USP36: variants seen among roughly 807,000 people sequenced by gnomAD.
USP36 encodes the protein ubiquitin specific peptidase 36, also known as ubiquitin carboxyl-terminal hydrolase 36.
In USP36, 59 loss-of-function variants were observed where a neutral mutation model predicts 111.5. The observed-to-expected ratio is 0.53, with a 90% CI of 0.43 to 0.66. The LOEUF is 0.66. USP36 is among the 30% of genes least tolerant of loss of function. USP36 has a pLI of 0.00. For missense variants in USP36, 1,488 were observed against 1,468.0 expected, an observed-to-expected ratio of 1.01 and a Z score of -0.22; for synonymous variants, 628 against 581.0, an observed-to-expected ratio of 1.08 and a Z score of -1.16.
downstream of USP36, among the ~76,000 whole-genome samples, chr17:78,793,713 T>A (rs1267874794): frequency 6.6e-6 from 1 of 152,170 alleles, no homozygotes; most frequent in East Asian, 1.9e-4. Flanking sequence ...GCAGGGATTC[T>A]CACAGCACCG....
chr17:78,822,006 T>C lies in USP36; in HGVS notation c.690-2A>G, dbSNP rs770444949. ...GTAGCCTGCGTTTGACGATCCAACC[T>C]GAAAAGGAGACCCCAGCCTTTAAGG... On this transcript the variant is annotated splice_acceptor_variant, in intron 6 of 20. Transcript: ENST00000449938. LOFTEE classifies it high-confidence loss of function. 6 of 1,614,036 alleles carry C rather than the reference T, an allele frequency of 3.7e-6. No individual in the cohort carries two copies. The highest frequency in any genetic ancestry group is 1.7e-6 in the Non-Finnish European group (2 of 1,179,964).
intron 2 of USP36, among the ~76,000 whole-genome samples, chr17:78,837,946 G>A (rs746556297): frequency 6.6e-6 from 1 of 152,222 alleles, no homozygotes; most frequent in African/African-American, 2.4e-5. Flanking sequence ...AAAGCCAGGT[G>A]CAGTGGCCTG....
Position 78,798,284 on chromosome 17 carries a change from C to T in USP36, c.*20+116G>A, listed in dbSNP as rs139742855. ...ACACACACCACCCAACACACATGTG[C>T]CAGATACACAGCCCACATACATCAT... On this transcript the variant is annotated intron_variant, in intron 20 of 20. Coordinates refer to ENST00000449938, the MANE Select transcript of USP36 (RefSeq NM_001385174.1). This position sits in a 1 kb window ranked among gnomAD's most constrained non-coding sequence, Gnocchi z 5.1. The T allele has an allele frequency of 9.3e-4, 1,263 of 1,364,938 alleles. 7 individuals carry two copies. The African/African-American group carries it at 0.015, about 17-fold the overall frequency. The allele number at this position is 1,364,938 out of a possible 1,614,324, so 84.6% of individuals were successfully genotyped here.
At chr17:78,824,248 G>A (rs2067328065) in intron 6 of USP36, among the ~76,000 whole-genome samples, 2 of 152,182 alleles carry the variant, frequency 1.3e-5, no homozygotes, top group South Asian at 4.1e-4. Context: ...CCACCTTACA[G>A]GTGCCAACAA....
intron 4 of USP36, among the ~76,000 whole-genome samples, chr17:78,830,387 C>G (rs111544658): frequency 0.039 from 5,924 of 152,292 alleles, 170 homozygotes; most frequent in Middle Eastern, 0.078. Flanking sequence ...GAAGAGACCA[C>G]TGTTATTTAT....
At chr17:78,802,576 TG>T in intron 16 of USP36, 41 bp from the exon 17 acceptor site, 1 of 1,565,682 alleles carries the variant, frequency 6.4e-7, no homozygotes, top group Non-Finnish European at 8.6e-7. Context: ...CTGAGCAAAT[TG>T]GAAGGGGAGC....
At chr17:78,810,922 T>G (rs1335032193) in intron 13 of USP36, among the ~76,000 whole-genome samples, 1 of 152,040 alleles carries the variant, frequency 6.6e-6, no homozygotes, top group African/African-American at 2.4e-5. Context: ...CAGACCAGCC[T>G]GGCCAACATG....
chr17:78,787,843 G>A (rs2093548358), intron 3 of USP36, among the ~76,000 whole-genome samples: 1 of 152,230 alleles, frequency 6.6e-6, no homozygotes, highest in South Asian at 2.1e-4. Flanking sequence ...GATCATTAGG[G>A]TGGGACCTAA....
At chr17:78,813,652 T>G in intron 12 of USP36, 121 bp downstream of exon 12, 2 of 857,690 alleles carry the variant, frequency 2.3e-6, no homozygotes, top group Non-Finnish European at 3.7e-6. Flanking sequence ...CTATGACACA[T>G]GACAAATCCC....
chr17:78,815,445 T>C (rs2094156122), intron 10 of USP36, among the ~76,000 whole-genome samples: 1 of 152,230 alleles, frequency 6.6e-6, no homozygotes. Context: ...GGATCTGTTC[T>C]TGTCTTTGTC....
Position 78,798,654 on chromosome 17 carries a change from T to TC in USP36, c.3241-104_3241-103insG. 6.5e-7 allele frequency: 1 copy of TC among 1,548,882 alleles called. No individual in the cohort carries two copies. The highest frequency in any genetic ancestry group is 8.7e-7 in the Non-Finnish European group (1 of 1,144,474). On this transcript the variant is annotated intron_variant, in intron 19 of 20. Transcript: ENST00000449938. The surrounding 1 kb of genome is among the most constrained non-coding windows in gnomAD (Gnocchi z 5.1). ...GTCCTGCACACAGGCCGGGCTCTCA[T>TC]GAGCTCTCTGGAGACCCACTCTTCA...
At chr17:78,810,518 G>A (rs769492360) in intron 13 of USP36, among the ~76,000 whole-genome samples, 32 of 152,112 alleles carry the variant, frequency 2.1e-4, no homozygotes, top group Non-Finnish European at 4.3e-4. Flanking sequence ...GGGATCCACT[G>A]ATCTTCCCAC....
Position 78,799,486 on chromosome 17 carries a change from C to T in USP36, c.3124+181G>A, listed in dbSNP as rs2093687489. 2.0e-5 allele frequency among the ~76,000 whole-genome samples: 3 copies of T among 152,164 alleles called. No homozygotes were observed. The South Asian group carries it at 6.2e-4, about 32-fold the overall frequency. Reference sequence around the variant, plus strand: ...TCCTGCCACGGACAGAAGCCACCTTCGTGCCACGGCTGAGGGTTTAAAGAG... The same window carrying T: ...TCCTGCCACGGACAGAAGCCACCTTTGTGCCACGGCTGAGGGTTTAAAGAG... On this transcript the variant is annotated intron_variant, in intron 18 of 20. Transcript: ENST00000449938.
In USP36 at chr17:78,799,729, C is replaced by T. The variant is rs758014075; in HGVS notation, c.3062G>A (p.Arg1021Gln). The T allele has an allele frequency of 3.8e-5, 61 of 1,612,480 alleles. No individual in the cohort carries two copies. Among genetic ancestry groups the T allele is most frequent in the Non-Finnish European group, 4.5e-5 (53 of 1,179,552 alleles). ...CAGTTCCTGGACCACATCAGACTCCCGCTCTCCATTCCAAGACACAGGAGG... is the reference window on the plus strand; with the variant it reads ...CAGTTCCTGGACCACATCAGACTCCTGCTCTCCATTCCAAGACACAGGAGG... The part of the protein sequence containing the change: ...QAPPVSWNGE[R>Q]ESDVVQELLK... Residue 1021 changes from arginine to glutamine, a missense_variant, in exon 18 of 21, where the codon CGG becomes CAG. Coordinates refer to ENST00000449938, the MANE Select transcript of USP36 (RefSeq NM_001385174.1).
At chr17:78,835,732 A>G (rs1292002275) in intron 3 of USP36, among the ~76,000 whole-genome samples, 1 of 152,166 alleles carries the variant, frequency 6.6e-6, no homozygotes, top group Non-Finnish European at 1.5e-5. Flanking sequence ...GGGCCCCTCT[A>G]TAGATGGAGG....
At chr17:78,814,122 T>C (rs933122508) in intron 11 of USP36, among the ~76,000 whole-genome samples, 9 of 152,180 alleles carry the variant, frequency 5.9e-5, no homozygotes. Flanking sequence ...CTAAAGGACA[T>C]TCAGGCAGTG....
intron 3 of USP36, chr17:78,835,894 G>A (rs2068620132): frequency 2.9e-6 from 2 of 686,970 alleles, no homozygotes; most frequent in Non-Finnish European, 2.4e-6. Flanking sequence ...CAAGTCCAAG[G>A]ACCCACCAAG....
chr17:78,821,404 ATATATATATATATATATTTTTT>A (rs1490696629), intron 7 of USP36: 1 of 62,080 alleles, frequency 1.6e-5, no homozygotes, highest in East Asian at 3.7e-4. Flanking sequence ...ATATATATAT[ATATATATATATATATATTTTTT>A]TTTTTTTTTT....
intron 1 of USP36, 186 bp downstream of exon 1, chr17:78,840,550 C>A (rs924209230): frequency 2.0e-5 from 3 of 152,256 alleles, no homozygotes; most frequent in Admixed American, 1.3e-4. Flanking sequence ...AGCGAGCTCG[C>A]GAGCGGGCGG....
Sources: gnomAD v4.1 joint callset for allele counts (sites outside exome capture counted in the v4.1 genomes callset) on GRCh38, gnomAD v4.1.1 for gene constraint, Gnocchi (gnomAD v3.1) non-coding constraint, MANE v1.5 for transcripts, NCBI Gene and HGNC (gene_info 2026-07-23, HGNC 2026-07-21) for gene names.